The following ARHGAP15 variants were observed in gnomAD, a reference collection of about 807,000 sequenced individuals.
ARHGAP15 encodes the protein rho GTPase-activating protein 15.
Under a neutral mutation model 63.7 loss-of-function variants are expected in ARHGAP15, and 51 were observed. The observed-to-expected ratio is 0.80, with a 90% CI of 0.64 to 1.01. The LOEUF is 1.01. ARHGAP15 is among the 50% of genes least tolerant of loss of function. The probability of loss-of-function intolerance (pLI) is 0.00; values close to 1 mark genes in which losing one functional copy is unlikely to be tolerated. For missense variants in ARHGAP15, 560 were observed against 564.6 expected, an observed-to-expected ratio of 0.99 and a Z score of 0.08; for synonymous variants, 191 against 193.8, an observed-to-expected ratio of 0.99 and a Z score of 0.12.
At chr2:143,355,327 T>A (rs1400697930) in intron 6 of ARHGAP15, among the ~76,000 whole-genome samples, 1 of 152,166 alleles carries the variant, frequency 6.6e-6, no homozygotes, top group Non-Finnish European at 1.5e-5. Flanking sequence ...TTTTTTCAAG[T>A]TCCATAACTA....
At chr2:143,735,134 G>A (rs912391141) in intron 13 of ARHGAP15, among the ~76,000 whole-genome samples, 6 of 152,144 alleles carry the variant, frequency 3.9e-5, no homozygotes, top group Non-Finnish European at 8.8e-5. Flanking sequence ...TGTTTTAAAC[G>A]TAATTTCTTT....
chr2:143,594,562 A>T (rs978750110), intron 11 of ARHGAP15, among the ~76,000 whole-genome samples: 7 of 152,140 alleles, frequency 4.6e-5, no homozygotes, highest in African/African-American at 1.7e-4. Context: ...TGGAGTTGTG[A>T]TCCAGTTTTC....
chr2:143,633,636 C>T (rs1464474279), intron 12 of ARHGAP15, among the ~76,000 whole-genome samples: 1 of 152,120 alleles, frequency 6.6e-6, no homozygotes, highest in Non-Finnish European at 1.5e-5. Context: ...GAGTCAGCTT[C>T]CCTAGCATCC....
chr2:143,596,953 C>T (rs1697541677), intron 11 of ARHGAP15, among the ~76,000 whole-genome samples: 1 of 152,072 alleles, frequency 6.6e-6, no homozygotes, highest in Admixed American at 6.6e-5. Context: ...TTTATTCAGA[C>T]CCTCTAAGGA....
At chr2:143,497,465 G>A (rs1447161349) in intron 9 of ARHGAP15, among the ~76,000 whole-genome samples, 1 of 152,164 alleles carries the variant, frequency 6.6e-6, no homozygotes, top group Non-Finnish European at 1.5e-5. Flanking sequence ...TTAAAGGTTA[G>A]CATTTATTAT....
At chr2:143,230,356 T>A (rs185801628) in intron 5 of ARHGAP15, among the ~76,000 whole-genome samples, 1 of 152,236 alleles carries the variant, frequency 6.6e-6, no homozygotes, top group Non-Finnish European at 1.5e-5. Context: ...AGCTGTTAAA[T>A]TTTATACAGG....
chr2:143,297,171 A>C (rs547784691), intron 6 of ARHGAP15, among the ~76,000 whole-genome samples: 177 of 152,086 alleles, frequency 1.2e-3, no homozygotes, highest in African/African-American at 4.1e-3. Context: ...TCTGACAATT[A>C]AGCCTTAGCA....
At chr2:143,306,155 T>C (rs1314595543) in intron 6 of ARHGAP15, among the ~76,000 whole-genome samples, 1 of 152,118 alleles carries the variant, frequency 6.6e-6, no homozygotes, top group Non-Finnish European at 1.5e-5. Flanking sequence ...TATAAGGATA[T>C]GGCACATCTC....
At chr2:143,477,222 A>G (rs1441173073) in intron 8 of ARHGAP15, among the ~76,000 whole-genome samples, 1 of 151,934 alleles carries the variant, frequency 6.6e-6, no homozygotes, top group Admixed American at 6.6e-5. Context: ...GCACACACAC[A>G]CACATATACA....
intron 10 of ARHGAP15, among the ~76,000 whole-genome samples, chr2:143,536,738 G>A (rs1694786872): frequency 6.6e-6 from 1 of 151,816 alleles, no homozygotes; most frequent in Non-Finnish European, 1.5e-5. Context: ...ATTCCATGGT[G>A]TATATGTGCC....
At chr2:143,494,320 T>A (rs2104915833) in intron 9 of ARHGAP15, among the ~76,000 whole-genome samples, 1 of 152,284 alleles carries the variant, frequency 6.6e-6, no homozygotes, top group South Asian at 2.1e-4. Context: ...TTAGCAATCA[T>A]GTTTTCAATT....
At chr2:143,343,141 G>C (rs1051313333) in intron 6 of ARHGAP15, among the ~76,000 whole-genome samples, 3 of 152,032 alleles carry the variant, frequency 2.0e-5, no homozygotes, top group Non-Finnish European at 2.9e-5. Flanking sequence ...ATGATGATGT[G>C]ATAGCACGAA....
At chr2:143,483,712 C>T (rs977940003) in intron 8 of ARHGAP15, among the ~76,000 whole-genome samples, 2 of 152,218 alleles carry the variant, frequency 1.3e-5, no homozygotes, top group African/African-American at 4.8e-5. Context: ...TAGGATAGCA[C>T]ATAAACACAC....
chr2:143,377,610 T>C lies in ARHGAP15; in HGVS notation c.475-57991T>C, dbSNP rs1362968048. Among the ~76,000 whole-genome samples, 8 of 152,084 alleles carry C rather than the reference T, an allele frequency of 5.3e-5. No homozygotes were observed. The East Asian group carries it at 1.2e-3, about 22-fold the overall frequency. Reference sequence around the variant, plus strand: ...GAAAGTTACAAGTCACTAAATACTTTTCGAAAGACAATTTAATTTCTATGA... The same window carrying C: ...GAAAGTTACAAGTCACTAAATACTTCTCGAAAGACAATTTAATTTCTATGA... On this transcript the variant is annotated intron_variant, in intron 6 of 13. Coordinates refer to ENST00000295095, the MANE Select transcript of ARHGAP15 (RefSeq NM_018460.4).
At chr2:143,252,865 A>C (rs929740718) in intron 6 of ARHGAP15, among the ~76,000 whole-genome samples, 4 of 152,092 alleles carry the variant, frequency 2.6e-5, no homozygotes, top group African/African-American at 9.7e-5. Flanking sequence ...ATATTTGATT[A>C]GATACATTAG....
At chr2:143,415,874 A>G (rs1240906005) in intron 6 of ARHGAP15, among the ~76,000 whole-genome samples, 1 of 152,206 alleles carries the variant, frequency 6.6e-6, no homozygotes. Flanking sequence ...TAACTCCCGA[A>G]TGGAAAACCA....
intron 1 of ARHGAP15, among the ~76,000 whole-genome samples, chr2:143,137,039 A>G (rs1171209601): frequency 6.6e-6 from 1 of 152,078 alleles, no homozygotes; most frequent in Non-Finnish European, 1.5e-5. Context: ...CCATTTTAAG[A>G]GTTCAACCAT....
chr2:143,337,553 G>A (rs928377883), intron 6 of ARHGAP15, among the ~76,000 whole-genome samples: 3 of 152,126 alleles, frequency 2.0e-5, no homozygotes, highest in East Asian at 1.9e-4. Flanking sequence ...TACTCTGAAG[G>A]TCTCTCTACT....
chr2:143,568,475 C>T (rs1696325057), intron 11 of ARHGAP15, among the ~76,000 whole-genome samples: 1 of 152,212 alleles, frequency 6.6e-6, no homozygotes, highest in Non-Finnish European at 1.5e-5. Context: ...TACCATCTCA[C>T]ACCAGTTAGA....
Sources: allele counts gnomAD v4.1 joint callset (sites outside exome capture counted in the v4.1 genomes callset), GRCh38; gene constraint gnomAD v4.1.1; transcripts MANE v1.5; gene names NCBI Gene and HGNC (gene_info 2026-07-23, HGNC 2026-07-21).